Variants in SCLT1 observed in about 807,000 individuals in gnomAD.
The protein encoded by SCLT1 is sodium channel-associated protein 1.
A neutral mutation model predicts 112.8 loss-of-function variants in SCLT1; 78 were observed. The ratio of observed to expected loss-of-function variants is 0.69; its 90% CI spans 0.58 to 0.83. The LOEUF is 0.83. Among genes scored for constraint, SCLT1 ranks in the 40% least tolerant of loss-of-function variants. The pLI is 0.00. For synonymous variants in SCLT1, 257 were observed against 254.7 expected (o/e 1.01, Z -0.09); for missense variants, 747 against 770.4 (o/e 0.97, Z 0.36).
At chr4:128,976,795 CAG>C (rs1272359381) in intron 9 of SCLT1, among the ~76,000 whole-genome samples, 10 of 152,020 alleles carry the variant, frequency 6.6e-5, no homozygotes, top group African/African-American at 2.4e-4. Context: ...CAAGAAGAGA[CAG>C]AGAAAGCTTT....
downstream of SCLT1, among the ~76,000 whole-genome samples, chr4:128,880,358 T>C (rs918737918): frequency 6.6e-6 from 1 of 152,170 alleles, no homozygotes; most frequent in African/African-American, 2.4e-5. Context: ...AGCATGTTTA[T>C]CTGATGTGTG....
At chr4:128,966,789 T>C (rs1032100670) in intron 10 of SCLT1, among the ~76,000 whole-genome samples, 4 of 152,138 alleles carry the variant, frequency 2.6e-5, no homozygotes, top group Admixed American at 2.0e-4. Flanking sequence ...GAATTCTTAG[T>C]ATTTTTTTTC....
At chr4:129,069,918 G>C (rs1490251181) in intron 2 of SCLT1, among the ~76,000 whole-genome samples, 1 of 152,006 alleles carries the variant, frequency 6.6e-6, no homozygotes, top group Non-Finnish European at 1.5e-5. Context: ...ATTATGTTGA[G>C]GTATGTCCCT....
chr4:128,969,441 G>T (rs917636380), intron 10 of SCLT1, among the ~76,000 whole-genome samples: 1 of 151,720 alleles, frequency 6.6e-6, no homozygotes, highest in Non-Finnish European at 1.5e-5. Context: ...GCGTGGCGGC[G>T]TGCACCTGTA....
At chr4:129,083,881 G>A (rs1326471578) in intron 1 of SCLT1, among the ~76,000 whole-genome samples, 1 of 152,016 alleles carries the variant, frequency 6.6e-6, no homozygotes, top group East Asian at 1.9e-4. Flanking sequence ...GCCAAGTGGA[G>A]TAAATAAAGA....
chr4:129,022,813 T>C (rs1745614005), intron 5 of SCLT1, among the ~76,000 whole-genome samples: 1 of 152,066 alleles, frequency 6.6e-6, no homozygotes, highest in Admixed American at 6.6e-5. Flanking sequence ...AAGATACTCC[T>C]TGAGAAGAGC....
At chr4:128,897,567 CA>C (rs1733882187) in intron 18 of SCLT1, among the ~76,000 whole-genome samples, 1 of 151,530 alleles carries the variant, frequency 6.6e-6, no homozygotes, top group East Asian at 1.9e-4. Flanking sequence ...GCTGCAAAAA[CA>C]TGCCAAATTG....
intron 5 of SCLT1, among the ~76,000 whole-genome samples, chr4:129,027,437 G>C (rs1204012722): frequency 2.6e-5 from 4 of 152,100 alleles, no homozygotes; most frequent in African/African-American, 4.8e-5. Context: ...ACATGATTAT[G>C]TCAATAGATG....
chr4:129,003,683 A>G, intron 6 of SCLT1, 58 bp downstream of exon 6: 6 of 1,293,844 alleles, frequency 4.6e-6, no homozygotes, highest in Non-Finnish European at 6.5e-6. Context: ...GATTAACATG[A>G]ATTTTTAAAA....
At chr4:128,907,452 A>T (rs1162117859) in intron 18 of SCLT1, among the ~76,000 whole-genome samples, 1 of 152,100 alleles carries the variant, frequency 6.6e-6, no homozygotes, top group Non-Finnish European at 1.5e-5. Flanking sequence ...TTGGGTTATG[A>T]GGAGGAGTCC....
chr4:129,008,264 C>A (rs2126098133), intron 5 of SCLT1, among the ~76,000 whole-genome samples: 1 of 152,194 alleles, frequency 6.6e-6, no homozygotes, highest in South Asian at 2.1e-4. Flanking sequence ...ACTTATTTAA[C>A]CCTCCTTCTT....
At chr4:128,886,050 G>A (rs2125919379) in intron 20 of SCLT1, among the ~76,000 whole-genome samples, 1 of 152,088 alleles carries the variant, frequency 6.6e-6, no homozygotes, top group East Asian at 1.9e-4. Flanking sequence ...GTTTGTCACT[G>A]ACTTTATGAC....
chr4:128,891,698 G>A (rs1733340232), intron 18 of SCLT1, among the ~76,000 whole-genome samples: 1 of 139,850 alleles, frequency 7.2e-6, no homozygotes, highest in Non-Finnish European at 1.5e-5. Context: ...AAACTGAAGT[G>A]CAGTGGCATG....
intron 15 of SCLT1, 136 bp downstream of exon 15, chr4:128,948,350 AAAAAAAAAAG>A: frequency 9.7e-7 from 1 of 1,026,516 alleles, no homozygotes; most frequent in Non-Finnish European, 1.3e-6. Flanking sequence ...AAAAAAAAAA[AAAAAAAAAAG>A]AAAAGAAAAG....
chr4:128,905,856 T>C (rs982873563), intron 18 of SCLT1, among the ~76,000 whole-genome samples: 3 of 152,172 alleles, frequency 2.0e-5, no homozygotes, highest in African/African-American at 7.2e-5. Flanking sequence ...CCTACCTCCA[T>C]TCCAGTAATG....
At chr4:128,945,216 C>T (rs142542793) in intron 16 of SCLT1, among the ~76,000 whole-genome samples, 99 of 152,216 alleles carry the variant, frequency 6.5e-4, no homozygotes, top group African/African-American at 2.3e-3. Flanking sequence ...AATACTCCTC[C>T]CTTAAGAGAC....
chr4:129,036,232 C>T (rs1028963554), intron 5 of SCLT1, among the ~76,000 whole-genome samples: 2 of 151,922 alleles, frequency 1.3e-5, no homozygotes, highest in South Asian at 2.1e-4. Flanking sequence ...TTACACTTTC[C>T]TATTGTACTA....
intron 5 of SCLT1, among the ~76,000 whole-genome samples, chr4:129,029,696 A>C (rs1409702929): frequency 6.6e-6 from 1 of 152,044 alleles, no homozygotes; most frequent in African/African-American, 2.4e-5. Flanking sequence ...AACAAACAAA[A>C]AAAACCCCAA....
At chr4:128,973,429 G>A (rs1402358141) in intron 9 of SCLT1, among the ~76,000 whole-genome samples, 2 of 150,802 alleles carry the variant, frequency 1.3e-5, no homozygotes, top group Non-Finnish European at 3.0e-5. Context: ...AAAGGTGGGG[G>A]GAGGGAGAGG....
Sources: allele counts gnomAD v4.1 joint callset (sites outside exome capture counted in the v4.1 genomes callset), GRCh38; gene constraint gnomAD v4.1.1; transcripts MANE v1.5; gene names NCBI Gene and HGNC (gene_info 2026-07-23, HGNC 2026-07-21).